Variants in LDB2 observed in about 807,000 individuals in gnomAD.
LDB2 encodes LIM domain-binding protein 2.
Under a neutral mutation model 44.3 loss-of-function variants are expected in LDB2, and 12 were observed. The observed-to-expected ratio is 0.27, with a 90% CI of 0.17 to 0.44. The LOEUF (loss-of-function observed/expected upper bound fraction) is 0.44, where lower values mean the gene tolerates loss of function less well. LDB2 is among the 20% of genes least tolerant of loss of function. The pLI is 1.00. For synonymous variants in LDB2, 164 were observed against 174.8 expected (o/e 0.94, Z 0.49); for missense variants, 344 against 473.5 (o/e 0.73, Z 2.54).
intron 1 of LDB2, among the ~76,000 whole-genome samples, chr4:16,847,561 T>A (rs757712643): frequency 2.5e-4 from 38 of 152,352 alleles, no homozygotes; most frequent in Non-Finnish European, 4.6e-4. Flanking sequence ...ATGAAAGAAA[T>A]ACTTGGCAAT....
intron 5 of LDB2, among the ~76,000 whole-genome samples, chr4:16,540,029 G>A (rs1011503367): frequency 2.0e-5 from 3 of 152,190 alleles, no homozygotes; most frequent in Non-Finnish European, 2.9e-5. Flanking sequence ...GGCAGAAGGC[G>A]AAGGGGAAGC....
intron 1 of LDB2, among the ~76,000 whole-genome samples, chr4:16,766,721 G>A (rs1769392445): frequency 6.6e-6 from 1 of 151,768 alleles, no homozygotes; most frequent in Admixed American, 6.6e-5. Flanking sequence ...GGTCAAGCTG[G>A]TCCTGAACTC....
At chr4:16,766,476 G>GTATATATATACACACACATA (rs1769280883) in intron 1 of LDB2, among the ~76,000 whole-genome samples, 10 of 128,632 alleles carry the variant, frequency 7.8e-5, no homozygotes, top group African/African-American at 2.8e-4. Context: ...ATATGTGTGT[G>GTATATATATACACACACATA]TGTGTGTGTG....
intron 2 of LDB2, among the ~76,000 whole-genome samples, chr4:16,612,567 G>T (rs535891588): frequency 6.6e-6 from 1 of 152,134 alleles, no homozygotes; most frequent in Non-Finnish European, 1.5e-5. Flanking sequence ...ACTACCATCA[G>T]AGAATACTAC....
Position 16,502,640 on chromosome 4 carries a change from A to ATCT in LDB2, c.1122_*2dup. The ATCT allele has an allele frequency of 6.2e-7, 1 of 1,613,344 alleles. No homozygotes were observed. Among genetic ancestry groups the ATCT allele is most frequent in the Non-Finnish European group, 8.5e-7 (1 of 1,179,360 alleles). ...TTGACAGTGGATTCTGGTGCCGATC[A>ATCT]TCTTATTGGGAAGCCTGGGGTGGGG... On this transcript the variant is annotated 3_prime_UTR_variant, in exon 8 of 8. Transcript: ENST00000304523.
intron 1 of LDB2, among the ~76,000 whole-genome samples, chr4:16,772,519 T>A (rs1770930501): frequency 6.6e-6 from 1 of 152,172 alleles, no homozygotes; most frequent in Non-Finnish European, 1.5e-5. Context: ...TACAACCACA[T>A]CATAGAGTAC....
chr4:16,692,443 G>A (rs890628990), intron 2 of LDB2, among the ~76,000 whole-genome samples: 1 of 152,130 alleles, frequency 6.6e-6, no homozygotes, highest in Non-Finnish European at 1.5e-5. Flanking sequence ...CAGCAAAAGG[G>A]TTACTTCCAA....
intron 1 of LDB2, among the ~76,000 whole-genome samples, chr4:16,846,898 A>AC (rs1181432442): frequency 2.0e-5 from 3 of 152,242 alleles, no homozygotes; most frequent in African/African-American, 7.2e-5. Context: ...TGACACTGAC[A>AC]GTCATCAAGC....
rs528484599 is a variant in LDB2 at position 16,878,552 on chromosome 4, A to G, written c.132+19802T>C. ...GCCTGAGTGTTGTTTTCAAAATGTC[A>G]TTCTAATGATGTACCTTCTCTCAGA... On this transcript the variant is annotated intron_variant, in intron 1 of 7. Transcript: ENST00000304523. 5.3e-5 allele frequency among the ~76,000 whole-genome samples: 8 copies of G among 152,296 alleles called. No individual in the cohort carries two copies. The East Asian group carries it at 7.7e-4, about 15-fold the overall frequency.
intron 5 of LDB2, among the ~76,000 whole-genome samples, chr4:16,575,555 C>T (rs1279526001): frequency 2.0e-5 from 3 of 152,062 alleles, no homozygotes; most frequent in Non-Finnish European, 4.4e-5. Flanking sequence ...TACGTTAGGT[C>T]ACAAAACAAG....
At chr4:16,865,877 T>G (rs539886275) in intron 1 of LDB2, among the ~76,000 whole-genome samples, 11 of 152,262 alleles carry the variant, frequency 7.2e-5, no homozygotes, top group African/African-American at 2.6e-4. Context: ...TGCCACTTTC[T>G]CCATCTAGAA....
intron 2 of LDB2, among the ~76,000 whole-genome samples, chr4:16,707,461 T>C (rs1378265855): frequency 6.6e-6 from 1 of 152,198 alleles, no homozygotes; most frequent in Admixed American, 6.6e-5. Context: ...TTTTTAATCA[T>C]CACTAGTTAA....
At chr4:16,893,062 G>C in intron 1 of LDB2, 1 of 957,946 alleles carries the variant, frequency 1.0e-6, no homozygotes, top group Non-Finnish European at 1.2e-6. Flanking sequence ...ATCAGTATAA[G>C]AGTCTTACAA....
At chr4:16,777,954 A>G (rs1005480952) in intron 1 of LDB2, among the ~76,000 whole-genome samples, 1 of 151,968 alleles carries the variant, frequency 6.6e-6, no homozygotes, top group Non-Finnish European at 1.5e-5. Context: ...TTTCCTTTTC[A>G]ATCTTGTCCC....
intron 2 of LDB2, among the ~76,000 whole-genome samples, chr4:16,725,846 G>A (rs1759312340): frequency 6.7e-6 from 1 of 149,738 alleles, no homozygotes; most frequent in South Asian, 2.1e-4. Context: ...GTTCTCATTT[G>A]GTTGGTCTTC....
At chr4:16,622,167 G>A (rs1393614914) in intron 2 of LDB2, among the ~76,000 whole-genome samples, 2 of 152,176 alleles carry the variant, frequency 1.3e-5, no homozygotes, top group African/African-American at 2.4e-5. Flanking sequence ...CTGTTTGATA[G>A]GGAAAGCTAC....
chr4:16,611,480 A>C (rs1355358559), intron 2 of LDB2, among the ~76,000 whole-genome samples: 1 of 152,138 alleles, frequency 6.6e-6, no homozygotes, highest in African/African-American at 2.4e-5. Context: ...TCTTACATGC[A>C]AAGAAACACG....
intron 5 of LDB2, among the ~76,000 whole-genome samples, chr4:16,575,554 T>G (rs1349129453): frequency 1.3e-5 from 2 of 152,040 alleles, no homozygotes; most frequent in African/African-American, 4.8e-5. Context: ...ATACGTTAGG[T>G]CACAAAACAA....
chr4:16,528,138 C>G lies in LDB2; in HGVS notation c.616-16034G>C, dbSNP rs908272157. Among the ~76,000 whole-genome samples, 87 of 151,982 alleles carry G rather than the reference C, an allele frequency of 5.7e-4. 5 individuals carry two copies. Among genetic ancestry groups the G allele is most frequent in the Non-Finnish European group, 4.4e-5 (3 of 68,010 alleles). ...AAACCAAATATTGTATGTTCTCACT[C>G]GTAAGTGGGAGCTAAGCTATGAGGA... is the stretch of plus-strand genomic sequence containing the variant. On this transcript the variant is annotated intron_variant, in intron 5 of 7. Transcript: ENST00000304523.
Sources: allele counts gnomAD v4.1 joint callset (sites outside exome capture counted in the v4.1 genomes callset), GRCh38; gene constraint gnomAD v4.1.1; transcripts MANE v1.5; gene names NCBI Gene and HGNC (gene_info 2026-07-23, HGNC 2026-07-21).